RNF19A: variants seen among roughly 807,000 people sequenced by gnomAD.
RNF19A encodes E3 ubiquitin-protein ligase RNF19A.
RNF19A carries 32 observed loss-of-function variants against 75.7 expected under a neutral mutation model. That is an observed-to-expected ratio of 0.42 (90% CI 0.32 to 0.57). RNF19A has a LOEUF of 0.57. Among genes scored for constraint, RNF19A ranks in the 20% least tolerant of loss-of-function variants. The pLI is 0.10. For synonymous variants in RNF19A, 335 were observed against 345.2 expected (o/e 0.97, Z 0.33); for missense variants, 782 against 1,036.3 (o/e 0.75, Z 3.37).
At position 100,322,941 on chromosome 8, in the gene RNF19A, A is replaced by G. The variant is rs1227948863; in HGVS notation, c.-242-9569T>C. On this transcript the variant is annotated intron_variant, in intron 1 of 3. Transcript: ENST00000519527. This position sits in a 1 kb window ranked among gnomAD's most constrained non-coding sequence, Gnocchi z 5.1. ...ATTAACATCAAAGATCACTGATTAC[A>G]GATCACCATAACAGATATAATAATA... 3.3e-5 allele frequency among the ~76,000 whole-genome samples: 5 copies of G among 152,192 alleles called. No homozygotes were observed. Among genetic ancestry groups the G allele is most frequent in the African/African-American group, 1.2e-4 (5 of 41,436 alleles).
chr8:100,298,057 C>T (rs969246005), intron 1 of RNF19A, among the ~76,000 whole-genome samples: 6 of 151,790 alleles, frequency 4.0e-5, no homozygotes, highest in African/African-American at 1.2e-4. Flanking sequence ...ACCTACAGTC[C>T]ATAGATTATA....
intron 1 of RNF19A, among the ~76,000 whole-genome samples, chr8:100,305,167 A>C (rs1822013470): frequency 6.6e-6 from 1 of 152,150 alleles, no homozygotes; most frequent in Non-Finnish European, 1.5e-5. Flanking sequence ...GCCCGACCTC[A>C]AATGATCTGC....
At chr8:100,310,520 C>T (rs1032776570), upstream of RNF19A, among the ~76,000 whole-genome samples, 2 of 152,254 alleles carry the variant, frequency 1.3e-5, no homozygotes, top group East Asian at 1.9e-4. Flanking sequence ...CGGCATTATT[C>T]ATTCCTTTGT....
At chr8:100,313,998 C>T (rs1221695230), upstream of RNF19A, among the ~76,000 whole-genome samples, 2 of 149,412 alleles carry the variant, frequency 1.3e-5, no homozygotes, top group African/African-American at 5.0e-5. Flanking sequence ...CTTCCCCCCT[C>T]AGCCTCATGA....
intron 1 of RNF19A, among the ~76,000 whole-genome samples, chr8:100,334,004 C>T (rs1020911015): frequency 2.6e-5 from 4 of 152,308 alleles, no homozygotes; most frequent in Middle Eastern, 3.4e-3. Flanking sequence ...ACATCCTCCA[C>T]CCTAGTTGGA....
chr8:100,268,727 A>C, intron 5 of RNF19A, 58 bp downstream of exon 5: 1 of 1,215,996 alleles, frequency 8.2e-7, no homozygotes, highest in Non-Finnish European at 1.1e-6. Context: ...CAATACTAAA[A>C]GAATACACCT....
chr8:100,282,524 T>G (rs375383834), intron 2 of RNF19A, among the ~76,000 whole-genome samples: 1 of 152,230 alleles, frequency 6.6e-6, no homozygotes, highest in Non-Finnish European at 1.5e-5. Context: ...AATATGTTTA[T>G]GTATGTGTGT....
Position 100,322,645 on chromosome 8 carries a change from G to T in RNF19A, c.-242-9273C>A, listed in dbSNP as rs190014154. On this transcript the variant is annotated intron_variant, in intron 1 of 3. Transcript: ENST00000519527. This position sits in a 1 kb window ranked among gnomAD's most constrained non-coding sequence, Gnocchi z 5.1. Reference sequence around the variant, plus strand: ...AGCTTTCAGCCTATCTCAGCTTTTGGCCTGCCTTCCTCATTAAGCTTAATC... The same window carrying T: ...AGCTTTCAGCCTATCTCAGCTTTTGTCCTGCCTTCCTCATTAAGCTTAATC... 6.6e-6 allele frequency among the ~76,000 whole-genome samples: 1 copy of T among 152,184 alleles called. No individual in the cohort carries two copies. The highest frequency in any genetic ancestry group is 2.1e-4 in the South Asian group (1 of 4,828).
upstream of RNF19A, chr8:100,310,341 G>T: frequency 1.4e-6 from 1 of 733,236 alleles, no homozygotes; most frequent in Non-Finnish European, 1.7e-6. Context: ...CCTGTCCCTG[G>T]CGGAGGGGAC....
At chr8:100,296,071 T>C (rs1363722635) in intron 1 of RNF19A, among the ~76,000 whole-genome samples, 1 of 152,196 alleles carries the variant, frequency 6.6e-6, no homozygotes, top group South Asian at 2.1e-4. Context: ...CAAGCAGCAA[T>C]GCATTCTCTG....
At chr8:100,307,593 T>C (rs1193767273) in intron 1 of RNF19A, among the ~76,000 whole-genome samples, 1 of 151,240 alleles carries the variant, frequency 6.6e-6, no homozygotes, top group Non-Finnish European at 1.5e-5. Flanking sequence ...TCTTCCATAA[T>C]ATACAAGTGA....
chr8:100,290,698 G>C (rs899030285), intron 1 of RNF19A, among the ~76,000 whole-genome samples: 2 of 152,174 alleles, frequency 1.3e-5, no homozygotes, highest in Non-Finnish European at 2.9e-5. Flanking sequence ...GATACATTCT[G>C]AGAAATGTGT....
At chr8:100,313,367 T>A (rs1238517545), upstream of RNF19A, 1 of 973,364 alleles carries the variant, frequency 1.0e-6, no homozygotes, top group East Asian at 1.1e-4. Context: ...ACATTTGAGC[T>A]GGATTCTATA....
chr8:100,272,514 C>T (rs1820305425), intron 3 of RNF19A, among the ~76,000 whole-genome samples: 1 of 151,438 alleles, frequency 6.6e-6, no homozygotes, highest in South Asian at 2.1e-4. Context: ...TTCTACGAGT[C>T]TGCGAGAAGC....
rs776117698 is a variant in RNF19A at position 100,264,647 on chromosome 8, T to G, written c.1306+24A>C. ...TTAACTCCATAAAATTGTAGGTAAT[T>G]AGTACTTTTCAGCATTTTCTTACCT... On this transcript the variant is annotated intron_variant, in intron 6 of 9. Transcript: ENST00000341084. The surrounding 1 kb of genome is among the most constrained non-coding windows in gnomAD (Gnocchi z 4.7). 1.1e-5 allele frequency: 15 copies of G among 1,415,172 alleles called. No individual in the cohort carries two copies. The highest frequency in any genetic ancestry group is 1.5e-5 in the Non-Finnish European group (15 of 1,008,962). The allele number at this position is 1,415,172 out of a possible 1,614,324, so 87.7% of individuals were successfully genotyped here. A position where few individuals can be genotyped will look rare whatever the true frequency, so the allele number is the denominator to read the frequency against.
Position 100,264,292 on chromosome 8 carries a change from G to T in RNF19A, c.1307-97C>A. 1 of 1,011,122 alleles carries T rather than the reference G, an allele frequency of 9.9e-7. No individual in the cohort carries two copies. The highest frequency in any genetic ancestry group is 1.4e-6 in the Non-Finnish European group (1 of 715,348). 62.6% of individuals were successfully genotyped at this position (1,011,122 alleles called of 1,614,324 possible). ...AGTCTTTTCAAGAGAGTCATACAGA[G>T]AAAAGCGCCAGGGTTCTGAAGAGTT... On this transcript the variant is annotated intron_variant, in intron 6 of 9. Coordinates refer to ENST00000341084, the MANE Select transcript of RNF19A (RefSeq NM_183419.4). The surrounding 1 kb of genome is among the most constrained non-coding windows in gnomAD (Gnocchi z 4.7).
rs34698535 is a variant in RNF19A at position 100,321,990 on chromosome 8, CTT to C, written c.-242-8620_-242-8619del. Among the ~76,000 whole-genome samples the C allele has an allele frequency of 9.9e-5, 15 of 150,874 alleles. 1 individual carries two copies. The highest frequency in any genetic ancestry group is 8.6e-4 in the Admixed American group (13 of 15,132). ...CGTGTAAAGGAGGTTTAGCAAAATT[CTT>C]TTTTTTTTCTTTATCAATACCCTGA... On this transcript the variant is annotated intron_variant, in intron 1 of 3. Transcript: ENST00000519527.
intron 7 of RNF19A, among the ~76,000 whole-genome samples, chr8:100,263,680 T>C (rs922288342): frequency 6.6e-6 from 1 of 152,220 alleles, no homozygotes; most frequent in African/African-American, 2.4e-5. Flanking sequence ...TTGAATAACA[T>C]TGAGTTGAAG....
At position 100,284,452 on chromosome 8, in the gene RNF19A, T is replaced by A. The variant is rs948317628; in HGVS notation, c.674+3049A>T. On this transcript the variant is annotated intron_variant, in intron 2 of 9. Coordinates refer to ENST00000341084, the MANE Select transcript of RNF19A (RefSeq NM_183419.4). This position sits in a 1 kb window ranked among gnomAD's most constrained non-coding sequence, Gnocchi z 4.3. ...AATACACAAAAGTAATCTCTGTGACTTTTTTTCCTCTGTCCTTTGTGGGTA... is the reference window on the plus strand; with the variant it reads ...AATACACAAAAGTAATCTCTGTGACATTTTTTCCTCTGTCCTTTGTGGGTA... Among the ~76,000 whole-genome samples the A allele has an allele frequency of 1.3e-5, 2 of 152,118 alleles. No homozygotes were observed. The highest frequency in any genetic ancestry group is 3.8e-4 in the East Asian group (2 of 5,200).
Sources: allele counts gnomAD v4.1 joint callset (sites outside exome capture counted in the v4.1 genomes callset), GRCh38; gene constraint gnomAD v4.1.1; non-coding constraint Gnocchi (gnomAD v3.1); transcripts MANE v1.5; gene names NCBI Gene and HGNC (gene_info 2026-07-23, HGNC 2026-07-21).